Variants in FCRLA observed in about 807,000 individuals in gnomAD.
FCRLA encodes the protein Fc receptor like A.
In FCRLA, 26 loss-of-function variants were observed where a neutral mutation model predicts 28.4. That is an observed-to-expected ratio of 0.91 (90% confidence interval 0.67 to 1.27). The LOEUF is 1.27. Ranked by LOEUF, FCRLA falls within the 50% of genes most tolerant of loss-of-function variation. The pLI is 0.00. For synonymous variants in FCRLA, 174 were observed against 168.5 expected (o/e 1.03, Z -0.25); for missense variants, 422 against 433.1 (o/e 0.97, Z 0.23).
intron 1 of FCRLA, among the ~76,000 whole-genome samples, chr1:161,709,235 G>A (rs563707063): frequency 2.0e-5 from 3 of 152,110 alleles, no homozygotes; most frequent in South Asian, 2.1e-4. Context: ...TTAAGCAATC[G>A]TCCTATCTCA....
At chr1:161,708,951 A>G (rs1682963262) in intron 1 of FCRLA, among the ~76,000 whole-genome samples, 2 of 152,156 alleles carry the variant, frequency 1.3e-5, no homozygotes, top group South Asian at 4.1e-4. Flanking sequence ...AGAACTGCAG[A>G]CTTGGAATCA....
intron 1 of FCRLA, among the ~76,000 whole-genome samples, chr1:161,707,711 G>A (rs1682888349): frequency 6.6e-6 from 1 of 152,216 alleles, no homozygotes; most frequent in Admixed American, 6.5e-5. Flanking sequence ...GTTTTGTCTA[G>A]GGCACAACGA....
rs1418998599 is a variant in FCRLA at position 161,713,614 on chromosome 1, T to G, written c.*234T>G. On this transcript the variant is annotated 3_prime_UTR_variant, in exon 5 of 5. Coordinates refer to ENST00000236938, the MANE Select transcript of FCRLA (RefSeq NM_032738.4). ...GAATTCTGCTGTCTAGATCAGGAAT[T>G]TCTATCTGTTATATCGACCAGAATG... 4.5e-6 allele frequency: 2 copies of G among 445,474 alleles called. No individual in the cohort carries two copies. The highest frequency in any genetic ancestry group is 4.1e-5 in the Admixed American group (1 of 24,686). The allele number at this position is 445,474 out of a possible 1,614,324, so 27.6% of individuals were successfully genotyped here. A position where few individuals can be genotyped will look rare whatever the true frequency, so the allele number is the denominator to read the frequency against.
rs866428065 is a variant in FCRLA, at chr1:161,712,339, G to T, written c.784+121G>T. On this transcript the variant is annotated intron_variant, in intron 4 of 4. Transcript: ENST00000236938. ...GAGCAGGTTAAGAAGGGACACAGAGGGGGCAGGAACAATGGGCCAGAATCC... is the reference window on the plus strand; with the variant it reads ...GAGCAGGTTAAGAAGGGACACAGAGTGGGCAGGAACAATGGGCCAGAATCC... The T allele has an allele frequency of 3.4e-5, 41 of 1,194,158 alleles. No homozygotes were observed. The African/African-American group carries it at 5.3e-4, about 16-fold the overall frequency. 74.0% of individuals were successfully genotyped at this position (1,194,158 alleles called of 1,614,324 possible). A position where few individuals can be genotyped will look rare whatever the true frequency, so the allele number is the denominator to read the frequency against.
In FCRLA at chr1:161,711,378, A is replaced by G. The variant is rs1683093246; in HGVS notation, c.403A>G (p.Lys135Glu). 1 of 1,614,132 alleles carries G rather than the reference A, an allele frequency of 6.2e-7. No individual in the cohort carries two copies. Among genetic ancestry groups the G allele is most frequent in the Non-Finnish European group, 8.5e-7 (1 of 1,180,014 alleles). ...NREFSITVVQKADSGHYHCSG... is the reference protein window; with the variant it reads ...NREFSITVVQEADSGHYHCSG... ...GGAATTCTCCATCACCGTGGTACAA[A>G]AGGCAGACAGCGGGCACTACCACTG... Residue 135 changes from lysine (K) to glutamate (E), a missense_variant, in exon 3 of 5, where the codon AAG becomes GAG. By Grantham distance (56) the Lys-to-Glu change is moderately conservative (BLOSUM62 1). This residue lies in a region of FCRLA where 231 missense variants were observed against 214.6 expected (regional missense o/e 1.08). Coordinates refer to ENST00000236938, the MANE Select transcript of FCRLA (RefSeq NM_032738.4).
At chr1:161,710,132 G>A (rs746877456) in intron 1 of FCRLA, among the ~76,000 whole-genome samples, 21 of 152,292 alleles carry the variant, frequency 1.4e-4, no homozygotes, top group Non-Finnish European at 3.1e-4. Flanking sequence ...GAAAGTCCCC[G>A]AGGAAGGTCT....
At chr1:161,710,539 C>A in intron 1 of FCRLA, 1 of 1,544,416 alleles carries the variant, frequency 6.5e-7, no homozygotes, top group Non-Finnish European at 8.8e-7. Context: ...CTTCTCCAAA[C>A]CACAGTGCAT....
rs750839332 is a variant in FCRLA, at chr1:161,707,340, C to T, written c.76C>T (p.Leu26=). Residue 26 remains leucine (L), a synonymous_variant, in exon 1 of 5, where the codon CTG becomes TTG. Transcript: ENST00000236938. ...TGTGCTCTGGGTGGCCCAGATGCTACTGGGTAAGTAAAATATTTGAATATT... is the reference window on the plus strand; with the variant it reads ...TGTGCTCTGGGTGGCCCAGATGCTATTGGGTAAGTAAAATATTTGAATATT... ...LGVLWVAQML[L]AASFETLQCE... 7 of 1,584,846 alleles carry T rather than the reference C, an allele frequency of 4.4e-6. No individual in the cohort carries two copies. Among genetic ancestry groups the T allele is most frequent in the Middle Eastern group, 1.7e-4 (1 of 5,782 alleles).
At chr1:161,710,439 G>T in intron 1 of FCRLA, 1 of 1,548,280 alleles carries the variant, frequency 6.5e-7, no homozygotes, top group Non-Finnish European at 8.7e-7. Flanking sequence ...CCTGCTTCGA[G>T]TTACCATTGT....
At chr1:161,709,170 C>G (rs145515781) in intron 1 of FCRLA, among the ~76,000 whole-genome samples, 1 of 152,140 alleles carries the variant, frequency 6.6e-6, no homozygotes. Context: ...CTCTGCCACC[C>G]AGGCTGGAGT....
chr1:161,709,961 A>G (rs1019826055), intron 1 of FCRLA, among the ~76,000 whole-genome samples: 3 of 152,184 alleles, frequency 2.0e-5, no homozygotes, highest in Non-Finnish European at 4.4e-5. Flanking sequence ...GGGAAAATTC[A>G]AGTGGCAGAG....
At chr1:161,709,365 C>T (rs1050275363) in intron 1 of FCRLA, among the ~76,000 whole-genome samples, 2 of 152,148 alleles carry the variant, frequency 1.3e-5, no homozygotes, top group South Asian at 4.1e-4. Flanking sequence ...CTCCTGGGCT[C>T]AAGGGATCCT....
rs1489325061 is a variant in FCRLA at position 161,713,934 on chromosome 1, G to T, written c.*554G>T. On this transcript the variant is annotated 3_prime_UTR_variant, in exon 5 of 5. Transcript: ENST00000236938. ...CAGCCTAATGAAACCCTAGGTGTTG[G>T]GCTCTGGAATGGGACTTTGTCCCTT... 6.6e-6 allele frequency: 1 copy of T among 152,508 alleles called. No individual in the cohort carries two copies. The highest frequency in any genetic ancestry group is 1.5e-5 in the Non-Finnish European group (1 of 68,224). The allele number at this position is 152,508 out of a possible 1,614,324, so 9.4% of individuals were successfully genotyped here.
chr1:161,713,094 G>C lies in FCRLA; in HGVS notation c.794G>C (p.Ser265Thr), dbSNP rs2101663254. The C allele has an allele frequency of 6.2e-7, 1 of 1,612,296 alleles. No homozygotes were observed. Among genetic ancestry groups the C allele is most frequent in the East Asian group, 2.2e-5 (1 of 44,870 alleles). Residue 265 changes from serine (S) to threonine (T), a missense_variant, in exon 5 of 5, where the codon AGC becomes ACC. Coordinates refer to ENST00000236938, the MANE Select transcript of FCRLA (RefSeq NM_032738.4). The part of the protein sequence containing the change: ...QLEIRVQGAS[S>T]SAAPPTLNPA... Reference sequence around the variant, plus strand: ...CTGCCCCATAATTCAGGTGCTTCCAGCTCTGCTGCACCTCCCACATTGAAT... The same window carrying C: ...CTGCCCCATAATTCAGGTGCTTCCACCTCTGCTGCACCTCCCACATTGAAT...
chr1:161,710,045 G>A (rs1032411587), intron 1 of FCRLA, among the ~76,000 whole-genome samples: 1 of 152,152 alleles, frequency 6.6e-6, no homozygotes, highest in Non-Finnish European at 1.5e-5. Flanking sequence ...ACACTGCTGG[G>A]TACTGAAAGC....
Position 161,707,317 on chromosome 1 carries a change from T to G in FCRLA, c.53T>G (p.Val18Gly), listed in dbSNP as rs377168024. 13 of 1,609,722 alleles carry G rather than the reference T, an allele frequency of 8.1e-6. No homozygotes were observed. Among genetic ancestry groups the G allele is most frequent in the South Asian group, 1.1e-5 (1 of 90,412 alleles). Residue 18 changes from valine to glycine, a missense_variant, in exon 1 of 5, where the codon GTG (valine) becomes GGG (glycine). This residue lies in a region of FCRLA where 231 missense variants were observed against 214.6 expected (regional missense o/e 1.08). Coordinates refer to ENST00000236938, the MANE Select transcript of FCRLA (RefSeq NM_032738.4). ...TGGGCCCTCTACCTTTCCCTTGGTG[T>G]GCTCTGGGTGGCCCAGATGCTACTG... ...MAWALYLSLG[V>G]LWVAQMLLAA... is the part of the protein sequence containing the mutation.
Position 161,713,968 on chromosome 1 carries a change from T to C in FCRLA, c.*588T>C, listed in dbSNP as rs770498128. The C allele has an allele frequency of 4.6e-5, 7 of 152,434 alleles. No individual in the cohort carries two copies. Among genetic ancestry groups the C allele is most frequent in the Non-Finnish European group, 7.3e-5 (5 of 68,112 alleles). The allele number at this position is 152,434 out of a possible 1,614,324, so 9.4% of individuals were successfully genotyped here. On this transcript the variant is annotated 3_prime_UTR_variant, in exon 5 of 5. Coordinates refer to ENST00000236938, the MANE Select transcript of FCRLA (RefSeq NM_032738.4). ...ATGGGACTTTGTCCCTTCTAATTAT[T>C]ATCTCTTTCCAGCCTCATTCAGCTA...
At position 161,711,619 on chromosome 1, in the gene FCRLA, A is replaced by G. The variant is rs377138052; in HGVS notation, c.499+145A>G. On this transcript the variant is annotated intron_variant, in intron 3 of 4. Coordinates refer to ENST00000236938, the MANE Select transcript of FCRLA (RefSeq NM_032738.4). Reference sequence around the variant, plus strand: ...GGCAAATGCCCAAGTTGGGCTTCGAAAGGGACGAGACCTCAGCCTTTTGAA... The same window carrying G: ...GGCAAATGCCCAAGTTGGGCTTCGAGAGGGACGAGACCTCAGCCTTTTGAA... 49 of 1,052,460 alleles carry G rather than the reference A, an allele frequency of 4.7e-5. 1 individual carries two copies. The highest frequency in any genetic ancestry group is 3.9e-4 in the East Asian group (15 of 38,636). 65.2% of individuals were successfully genotyped at this position (1,052,460 alleles called of 1,614,324 possible). A position where few individuals can be genotyped will look rare whatever the true frequency, so the allele number is the denominator to read the frequency against.
chr1:161,714,109 AAGT>A lies in FCRLA; in HGVS notation c.*730_*732del, dbSNP rs1313500044. The A allele has an allele frequency of 6.6e-6, 1 of 152,352 alleles. No homozygotes were observed. The highest frequency in any genetic ancestry group is 2.4e-5 in the African/African-American group (1 of 41,454). 9.4% of individuals were successfully genotyped at this position (152,352 alleles called of 1,614,324 possible). ...TAATCCCCAAGGTGATGGCATTAAG[AAGT>A]GGGCCTTTGGGAAGTGATTAGATCA... On this transcript the variant is annotated 3_prime_UTR_variant, in exon 5 of 5. Transcript: ENST00000236938.
Sources: gnomAD v4.1 joint callset for allele counts (sites outside exome capture counted in the v4.1 genomes callset) on GRCh38, gnomAD v4.1.1 for gene constraint, gnomAD v4.1.1 regional missense constraint, MANE v1.5 for transcripts, NCBI Gene and HGNC (gene_info 2026-07-23, HGNC 2026-07-21) for gene names.